The following BCAS3 variants were observed in gnomAD, a reference collection of about 807,000 sequenced individuals.
BCAS3 encodes the protein BCAS4/BCAS3 fusion.
A neutral mutation model predicts 116.1 loss-of-function variants in BCAS3; 53 were observed. The observed-to-expected ratio is 0.46, with a 90% CI of 0.37 to 0.57. BCAS3 has a LOEUF of 0.57. Ranked by LOEUF, BCAS3 falls within the 20% of genes least tolerant of loss-of-function variation. The probability of loss-of-function intolerance (pLI) is 0.00; values close to 1 mark genes in which losing one functional copy is unlikely to be tolerated. For synonymous variants in BCAS3, 391 were observed against 408.2 expected (o/e 0.96, Z 0.51); for missense variants, 917 against 1,165.4 (o/e 0.79, Z 3.10).
chr17:60,798,337 A>G (rs1220308728), intron 6 of BCAS3, among the ~76,000 whole-genome samples: 2 of 152,220 alleles, frequency 1.3e-5, no homozygotes, highest in Non-Finnish European at 2.9e-5. Flanking sequence ...AGAAGTCCTT[A>G]AATTCCTCTG....
At chr17:60,797,185 C>T (rs1195288934) in intron 6 of BCAS3, among the ~76,000 whole-genome samples, 2 of 152,046 alleles carry the variant, frequency 1.3e-5, no homozygotes, top group African/African-American at 4.8e-5. Flanking sequence ...CATAAGCCAC[C>T]GTGCTTGGCC....
chr17:60,991,332 TTATC>T (rs2063512083), intron 15 of BCAS3, among the ~76,000 whole-genome samples: 1 of 152,244 alleles, frequency 6.6e-6, no homozygotes, highest in African/African-American at 2.4e-5. Flanking sequence ...TTCTGTTTAT[TTATC>T]CTTTCTACTA....
rs371648041 is a variant in BCAS3, at chr17:61,039,711, G to A, written c.1929-1081G>A. 1.9e-3 allele frequency among the ~76,000 whole-genome samples: 296 copies of A among 152,154 alleles called. 2 individuals are homozygous for A. The highest frequency in any genetic ancestry group is 6.2e-3 in the African/African-American group (257 of 41,546). ...GCTGGGATTACAGGCGTGAGCCACC[G>A]CGCCGGCCCATGAACATATTTTTTT... On this transcript the variant is annotated intron_variant, in intron 18 of 23. Transcript: ENST00000407086.
At chr17:60,715,409 C>G (rs1038935435) in intron 5 of BCAS3, among the ~76,000 whole-genome samples, 1 of 151,850 alleles carries the variant, frequency 6.6e-6, no homozygotes, top group East Asian at 1.9e-4. Context: ...CGTGTATACT[C>G]TTTCTTTCAT....
intron 13 of BCAS3, among the ~76,000 whole-genome samples, chr17:60,940,431 C>T (rs549400514): frequency 1.3e-5 from 2 of 152,236 alleles, no homozygotes; most frequent in South Asian, 2.1e-4. Flanking sequence ...TTTATGCTGC[C>T]CATATGGAGA....
Position 61,151,655 on chromosome 17 carries a change from G to A in BCAS3, c.2425+67091G>A, listed in dbSNP as rs550263344. ...AAATTTTTGGCAGAAACAAGTTCTCGCCATTTTACCCAGACTGGTCTTGAA... is the reference window on the plus strand; with the variant it reads ...AAATTTTTGGCAGAAACAAGTTCTCACCATTTTACCCAGACTGGTCTTGAA... On this transcript the variant is annotated intron_variant, in intron 22 of 23. Coordinates refer to ENST00000407086, the MANE Select transcript of BCAS3 (RefSeq NM_017679.5). The surrounding 1 kb of genome is among the most constrained non-coding windows in gnomAD (Gnocchi z 4.8). Among the ~76,000 whole-genome samples, 3 of 152,118 alleles carry A rather than the reference G, an allele frequency of 2.0e-5. No homozygotes were observed. The South Asian group carries it at 6.2e-4, about 32-fold the overall frequency.
At chr17:60,895,694 G>A (rs963581658) in intron 10 of BCAS3, among the ~76,000 whole-genome samples, 26 of 152,034 alleles carry the variant, frequency 1.7e-4, no homozygotes, top group Non-Finnish European at 2.1e-4. Flanking sequence ...GTAAACTTCC[G>A]TCAGCACACC....
rs886534552 is a variant in BCAS3 at position 61,007,385 on chromosome 17, T to G, written c.1487-8366T>G. ...TTATTTCTTTATGACTTTTAATTTT[T>G]AGGCATCAAATTTCTAAATTTATTG... is the stretch of plus-strand genomic sequence containing the variant. On this transcript the variant is annotated intron_variant, in intron 15 of 23. Transcript: ENST00000407086. This position sits in a 1 kb window ranked among gnomAD's most constrained non-coding sequence, Gnocchi z 4.3. Among the ~76,000 whole-genome samples the G allele has an allele frequency of 7.2e-5, 11 of 152,072 alleles. No individual in the cohort carries two copies. Among genetic ancestry groups the G allele is most frequent in the African/African-American group, 1.7e-4 (7 of 41,424 alleles).
chr17:61,151,295 C>A lies in BCAS3; in HGVS notation c.2425+66731C>A, dbSNP rs1244710358. Among the ~76,000 whole-genome samples the A allele has an allele frequency of 6.6e-6, 1 of 152,008 alleles. No homozygotes were observed. Among genetic ancestry groups the A allele is most frequent in the Non-Finnish European group, 1.5e-5 (1 of 68,016 alleles). On this transcript the variant is annotated intron_variant, in intron 22 of 23. Coordinates refer to ENST00000407086, the MANE Select transcript of BCAS3 (RefSeq NM_017679.5). This position sits in a 1 kb window ranked among gnomAD's most constrained non-coding sequence, Gnocchi z 4.8. The stretch of plus-strand genomic sequence containing the variant: ...GTATATAATGCAAATATTCTAAGAT[C>A]TGAAAAAATTCAAAATTCAAAGCAC...
chr17:60,778,795 T>C (rs951046217), intron 6 of BCAS3, among the ~76,000 whole-genome samples: 3 of 152,198 alleles, frequency 2.0e-5, no homozygotes, highest in South Asian at 2.1e-4. Flanking sequence ...TCAGCCCTAG[T>C]GTTTGACCCT....
At chr17:61,263,834 C>G (rs1304753178) in intron 22 of BCAS3, among the ~76,000 whole-genome samples, 2 of 152,090 alleles carry the variant, frequency 1.3e-5, no homozygotes, top group African/African-American at 4.8e-5. Flanking sequence ...TATTACAAAC[C>G]AGTGCTGAAA....
At chr17:60,736,066 C>T (rs917827531) in intron 5 of BCAS3, among the ~76,000 whole-genome samples, 1 of 148,518 alleles carries the variant, frequency 6.7e-6, no homozygotes, top group African/African-American at 2.6e-5. Context: ...GAGACAGGGT[C>T]TCACTTCGTC....
rs2057528252 is a variant in BCAS3, at chr17:61,346,827, G to C, written c.2426-21500G>C. Among the ~76,000 whole-genome samples the C allele has an allele frequency of 6.6e-6, 1 of 152,210 alleles. No individual in the cohort carries two copies. Among genetic ancestry groups the C allele is most frequent in the Admixed American group, 6.5e-5 (1 of 15,280 alleles). On this transcript the variant is annotated intron_variant, in intron 22 of 23. Transcript: ENST00000407086. The surrounding 1 kb of genome is among the most constrained non-coding windows in gnomAD (Gnocchi z 5.4). ...GGTTAGCATGTGCTGTGGGGATGTGGTAGAGGGACTGGTTCCTCATCCAGG... is the reference window on the plus strand; with the variant it reads ...GGTTAGCATGTGCTGTGGGGATGTGCTAGAGGGACTGGTTCCTCATCCAGG...
intron 7 of BCAS3, among the ~76,000 whole-genome samples, chr17:60,865,789 A>G (rs959596091): frequency 6.6e-6 from 1 of 152,228 alleles, no homozygotes; most frequent in Non-Finnish European, 1.5e-5. Context: ...GACTTCTTAT[A>G]CAATGTTGAG....
intron 10 of BCAS3, among the ~76,000 whole-genome samples, chr17:60,900,698 A>C (rs1310597105): frequency 1.3e-5 from 2 of 150,498 alleles, no homozygotes; most frequent in Non-Finnish European, 2.9e-5. Flanking sequence ...TCTTTGGCAA[A>C]CTGCTTTTTT....
At chr17:60,826,820 A>G (rs1256900345) in intron 7 of BCAS3, among the ~76,000 whole-genome samples, 1 of 152,226 alleles carries the variant, frequency 6.6e-6, no homozygotes, top group Non-Finnish European at 1.5e-5. Context: ...AGTAGTCTAT[A>G]ATGTATATCT....
Position 61,128,090 on chromosome 17 carries a change from A to G in BCAS3, c.2425+43526A>G, listed in dbSNP as rs999000903. 2.5e-5 allele frequency: 17 copies of G among 676,422 alleles called. No individual in the cohort carries two copies. Among genetic ancestry groups the G allele is most frequent in the Non-Finnish European group, 3.1e-5 (17 of 548,380 alleles). The allele number at this position is 676,422 out of a possible 1,614,324, so 41.9% of individuals were successfully genotyped here. Reference sequence around the variant, plus strand: ...TTAAGGAGTTTGAATGTAATTACCCAAAGTTTGGCTTTTCTTTTAAAGAAC... The same window carrying G: ...TTAAGGAGTTTGAATGTAATTACCCGAAGTTTGGCTTTTCTTTTAAAGAAC... On this transcript the variant is annotated intron_variant, in intron 22 of 23. Coordinates refer to ENST00000407086, the MANE Select transcript of BCAS3 (RefSeq NM_017679.5). The surrounding 1 kb of genome is among the most constrained non-coding windows in gnomAD (Gnocchi z 4.1).
At position 61,082,758 on chromosome 17, in the gene BCAS3, T is replaced by C. The variant is rs1001251768; in HGVS notation, c.2328-1709T>C. On this transcript the variant is annotated intron_variant, in intron 21 of 23. Coordinates refer to ENST00000407086, the MANE Select transcript of BCAS3 (RefSeq NM_017679.5). The surrounding 1 kb of genome is among the most constrained non-coding windows in gnomAD (Gnocchi z 5.1). ...CCCCTAACTAACCACTGCCGAGATG[T>C]GATGAGATTACCATGATTGGCTTAG... Among the ~76,000 whole-genome samples the C allele has an allele frequency of 6.6e-6, 1 of 152,214 alleles. No homozygotes were observed. The highest frequency in any genetic ancestry group is 1.5e-5 in the Non-Finnish European group (1 of 68,044).
chr17:61,138,136 C>G (rs981479701), intron 22 of BCAS3, among the ~76,000 whole-genome samples: 2 of 152,202 alleles, frequency 1.3e-5, no homozygotes, highest in South Asian at 4.2e-4. Context: ...TCTGTGCTGT[C>G]CAATATAATA....
Sources: allele counts gnomAD v4.1 joint callset (sites outside exome capture counted in the v4.1 genomes callset), GRCh38; gene constraint gnomAD v4.1.1; non-coding constraint Gnocchi (gnomAD v3.1); transcripts MANE v1.5; gene names NCBI Gene and HGNC (gene_info 2026-07-23, HGNC 2026-07-21).